The following DCAF6 variants were observed in gnomAD, a reference collection of about 807,000 sequenced individuals.
DCAF6 encodes DDB1 and CUL4 associated factor 6.
A neutral mutation model predicts 125.1 loss-of-function variants in DCAF6; 54 were observed. That is an observed-to-expected ratio of 0.43 (90% CI 0.35 to 0.54). DCAF6 has a LOEUF of 0.54. Ranked by LOEUF, DCAF6 falls within the 20% of genes least tolerant of loss-of-function variation. DCAF6 has a pLI of 0.01. For missense variants in DCAF6, 934 were observed against 1,161.7 expected, an observed-to-expected ratio of 0.80 and a Z score of 2.85; for synonymous variants, 371 against 390.4, an observed-to-expected ratio of 0.95 and a Z score of 0.58.
At chr1:167,883,567 A>G in the DCAF6 span, 3 of 1,614,250 alleles carry the variant, frequency 1.9e-6, no homozygotes, top group South Asian at 3.3e-5. Flanking sequence ...CATCAGGTTC[A>G]CAAACACAAT....
At chr1:168,011,581 A>G (rs1406499783) in intron 10 of DCAF6, among the ~76,000 whole-genome samples, 1 of 152,230 alleles carries the variant, frequency 6.6e-6, no homozygotes, top group African/African-American at 2.4e-5. Context: ...CACCATATCA[A>G]AGCAAACCTT....
the DCAF6 span, chr1:167,905,180 C>T: frequency 1.9e-6 from 3 of 1,612,920 alleles, no homozygotes; most frequent in East Asian, 2.2e-5. Flanking sequence ...TGACAGGAAG[C>T]AGTCTCCAAA....
intron 11 of DCAF6, among the ~76,000 whole-genome samples, chr1:168,018,739 C>T (rs1685295526): frequency 6.6e-6 from 1 of 152,130 alleles, no homozygotes; most frequent in African/African-American, 2.4e-5. Context: ...GTTTTCTAGA[C>T]TTTTAGGAAA....
chr1:167,982,019 G>A (rs762273716), intron 4 of DCAF6, among the ~76,000 whole-genome samples: 4 of 152,116 alleles, frequency 2.6e-5, no homozygotes, highest in Admixed American at 6.5e-5. Context: ...TTTTCTCTGC[G>A]GCCTCACCAG....
At chr1:167,942,289 CCT>C (rs148551684) in intron 1 of DCAF6, among the ~76,000 whole-genome samples, 12,899 of 152,212 alleles carry the variant, frequency 0.085, 681 homozygotes, top group South Asian at 0.16. Flanking sequence ...GTCTCGAACT[CCT>C]GACCTCAGGT....
intron 7 of DCAF6, among the ~76,000 whole-genome samples, chr1:167,999,459 G>GT (rs1484372027): frequency 1.3e-5 from 2 of 152,146 alleles, no homozygotes; most frequent in Non-Finnish European, 2.9e-5. Context: ...CTCTCTAGCT[G>GT]TGAAAGTCCT....
At chr1:167,922,823 A>C in the DCAF6 span, among the ~76,000 whole-genome samples, 21 of 152,188 alleles carry the variant, frequency 1.4e-4, no homozygotes, top group Admixed American at 1.4e-3. Context: ...CATTTAAGAG[A>C]ATTACAACAG....
chr1:167,874,714 C>G, the DCAF6 span, among the ~76,000 whole-genome samples: 2 of 152,026 alleles, frequency 1.3e-5, no homozygotes, highest in African/African-American at 4.8e-5. Flanking sequence ...GGAAATAACC[C>G]AAATGTTGCA....
At chr1:168,018,334 G>A (rs975574607) in intron 11 of DCAF6, among the ~76,000 whole-genome samples, 8 of 152,174 alleles carry the variant, frequency 5.3e-5, no homozygotes, top group Admixed American at 1.3e-4. Flanking sequence ...AAAATGAGCT[G>A]TATAAAATAG....
chr1:167,927,685 T>C, the DCAF6 span, among the ~76,000 whole-genome samples: 31 of 150,334 alleles, frequency 2.1e-4, no homozygotes, highest in East Asian at 4.1e-3. Context: ...TTGGGGTTAA[T>C]AGTCGATCTT....
At chr1:167,929,002 CTGGATG>C in the DCAF6 span, among the ~76,000 whole-genome samples, 1 of 152,170 alleles carries the variant, frequency 6.6e-6, no homozygotes, top group Non-Finnish European at 1.5e-5. Flanking sequence ...AACAGTACTA[CTGGATG>C]TTGAAGAAGG....
the DCAF6 span, among the ~76,000 whole-genome samples, chr1:167,868,743 T>C: frequency 6.6e-6 from 1 of 152,184 alleles, no homozygotes; most frequent in Admixed American, 6.5e-5. Context: ...AACATAGCCA[T>C]AGATAATTAA....
chr1:168,000,480 T>C (rs1326093919), intron 7 of DCAF6, among the ~76,000 whole-genome samples: 2 of 152,276 alleles, frequency 1.3e-5, no homozygotes, highest in East Asian at 3.9e-4. Flanking sequence ...AATGAGGTAC[T>C]ATGTTTCAAT....
chr1:167,928,208 C>T, the DCAF6 span, among the ~76,000 whole-genome samples: 1 of 151,450 alleles, frequency 6.6e-6, no homozygotes, highest in African/African-American at 2.4e-5. Flanking sequence ...ATTAGCTGCG[C>T]GTGGTGGCAG....
intron 1 of DCAF6, among the ~76,000 whole-genome samples, chr1:167,947,975 T>C (rs1279358623): frequency 6.6e-6 from 1 of 152,202 alleles, no homozygotes; most frequent in Non-Finnish European, 1.5e-5. Context: ...GTGTTGAATT[T>C]TCACACTATT....
the DCAF6 span, chr1:167,896,587 GTACT>G: frequency 6.2e-7 from 1 of 1,600,262 alleles, no homozygotes; most frequent in South Asian, 1.1e-5. Flanking sequence ...TCCATGGTGG[GTACT>G]TACTTTTGTG....
At chr1:167,870,211 C>A in the DCAF6 span, 1 of 1,609,878 alleles carries the variant, frequency 6.2e-7, no homozygotes. Context: ...CAAAATAAAT[C>A]AGGATTCTAT....
chr1:167,997,606 T>G (rs767229108), intron 7 of DCAF6, among the ~76,000 whole-genome samples: 9 of 152,122 alleles, frequency 5.9e-5, no homozygotes, highest in Non-Finnish European at 1.3e-4. Context: ...CACTGTTAAG[T>G]GTCACCAAGT....
intron 16 of DCAF6, among the ~76,000 whole-genome samples, chr1:168,047,231 G>T (rs1168201310): frequency 6.6e-6 from 1 of 151,938 alleles, no homozygotes. Context: ...ATATGTTTTA[G>T]GGATTCTTTT....
Sources: allele counts gnomAD v4.1 joint callset (sites outside exome capture counted in the v4.1 genomes callset), GRCh38; gene constraint gnomAD v4.1.1; transcripts MANE v1.5; gene names NCBI Gene and HGNC (gene_info 2026-07-23, HGNC 2026-07-21).